The following VIL1 variants were observed in gnomAD, a reference collection of about 807,000 sequenced individuals.
VIL1 encodes villin 1, also known as villin-1.
Under a neutral mutation model 104.0 loss-of-function variants are expected in VIL1, and 86 were observed. That is an observed-to-expected ratio of 0.83 (90% CI 0.69 to 0.99). The LOEUF (loss-of-function observed/expected upper bound fraction) is 0.99, where lower values mean the gene tolerates loss of function less well. VIL1 is among the 50% of genes least tolerant of loss of function. VIL1 has a pLI of 0.00. For synonymous variants in VIL1, 394 were observed against 412.6 expected, an observed-to-expected ratio of 0.95 and a Z score of 0.55; for missense variants, 944 against 1,054.1, an observed-to-expected ratio of 0.90 and a Z score of 1.45.
At chr2:218,424,249 GC>G in intron 2 of VIL1, 27 bp from the exon 3 acceptor site, 1 of 1,608,204 alleles carries the variant, frequency 6.2e-7, no homozygotes. Flanking sequence ...GTCCAGGGCA[GC>G]CCCTCTGACC....
intron 19 of VIL1, among the ~76,000 whole-genome samples, chr2:218,444,508 G>A (rs1328931305): frequency 1.3e-5 from 2 of 150,902 alleles, no homozygotes; most frequent in African/African-American, 4.9e-5. Context: ...TCGATCTCCC[G>A]ACCTTGTGAT....
chr2:218,443,458 A>G (rs1436381827), intron 19 of VIL1, among the ~76,000 whole-genome samples: 2 of 151,848 alleles, frequency 1.3e-5, no homozygotes, highest in Non-Finnish European at 2.9e-5. Flanking sequence ...TTGCCCTCCC[A>G]AAGTGCTATT....
At position 218,452,799 on chromosome 2, in the gene VIL1, T is replaced by G. The variant is rs748563630; in HGVS notation, c.*3463T>G. 6 of 152,192 alleles carry G rather than the reference T, an allele frequency of 3.9e-5. No individual in the cohort carries two copies. Among genetic ancestry groups the G allele is most frequent in the Admixed American group, 1.3e-4 (2 of 15,268 alleles). 9.4% of individuals were successfully genotyped at this position (152,192 alleles called of 1,614,324 possible). A position where few individuals can be genotyped will look rare whatever the true frequency, so the allele number is the denominator to read the frequency against. ...AGCCTGCACTTTAAATCTTTCCCAA[T>G]AATTTTTAACAGTGCCTCTCAAATG... On this transcript the variant is annotated 3_prime_UTR_variant, in exon 20 of 20. Coordinates refer to ENST00000248444, the MANE Select transcript of VIL1 (RefSeq NM_007127.3).
intron 18 of VIL1, 146 bp downstream of exon 18, chr2:218,438,872 C>T: frequency 1.6e-6 from 1 of 637,838 alleles, no homozygotes; most frequent in Non-Finnish European, 2.7e-6. Flanking sequence ...TGCTGTTTTA[C>T]TTCAGTGCCT....
chr2:218,436,895 A>G lies in VIL1; in HGVS notation c.1972-229A>G, dbSNP rs1029658809. On this transcript the variant is annotated intron_variant, in intron 16 of 19. Coordinates refer to ENST00000248444, the MANE Select transcript of VIL1 (RefSeq NM_007127.3). ...TGTTTTTGAGAATCCTGGGCTTTGGACAGTCTGGGAGACACACATTTGCAG... is the reference window on the plus strand; with the variant it reads ...TGTTTTTGAGAATCCTGGGCTTTGGGCAGTCTGGGAGACACACATTTGCAG... Among the ~76,000 whole-genome samples, 6 of 152,220 alleles carry G rather than the reference A, an allele frequency of 3.9e-5. No individual in the cohort carries two copies. In the East Asian group the frequency reaches 9.6e-4, roughly 24 times the overall value.
intron 19 of VIL1, among the ~76,000 whole-genome samples, chr2:218,444,213 A>G (rs1369465520): frequency 6.6e-6 from 1 of 151,210 alleles, no homozygotes; most frequent in African/African-American, 2.4e-5. Flanking sequence ...CAGGTGATCC[A>G]CCCGCCTCAG....
In VIL1 at chr2:218,453,248, GTTTT is replaced by G. The variant is rs147013574; in HGVS notation, c.*3917_*3920del. The G allele has an allele frequency of 1.3e-5, 2 of 151,372 alleles. No individual in the cohort carries two copies. Among genetic ancestry groups the G allele is most frequent in the East Asian group, 1.9e-4 (1 of 5,168 alleles). The allele number at this position is 151,372 out of a possible 1,614,324, so 9.4% of individuals were successfully genotyped here. A position where few individuals can be genotyped will look rare whatever the true frequency, so the allele number is the denominator to read the frequency against. ...TGCATCTTCTGTGATGATGGTTTGT[GTTTT>G]TTTTGTTTTTGTTTTCGTTTTTTTT... On this transcript the variant is annotated 3_prime_UTR_variant, in exon 20 of 20. Transcript: ENST00000248444.
intron 19 of VIL1, among the ~76,000 whole-genome samples, chr2:218,441,197 T>C (rs1689278676): frequency 6.6e-6 from 1 of 152,058 alleles, no homozygotes; most frequent in African/African-American, 2.4e-5. Context: ...GAGACCAGCC[T>C]GACCAATATG....
intron 19 of VIL1, among the ~76,000 whole-genome samples, chr2:218,448,451 G>A (rs1026601606): frequency 6.6e-6 from 1 of 151,890 alleles, no homozygotes. Flanking sequence ...TGTAGTCCTA[G>A]CTACTCAGGA....
At position 218,429,955 on chromosome 2, in the gene VIL1, T is replaced by TGGGGGTGGGGGG; in HGVS notation, c.948+13_948+14insTGGGGGGGGGGG. 1.7e-6 allele frequency: 1 copy of TGGGGGTGGGGGG among 577,618 alleles called. No homozygotes were observed. The highest frequency in any genetic ancestry group is 5.4e-5 in the East Asian group (1 of 18,684). The allele number at this position is 577,618 out of a possible 1,614,324, so 35.8% of individuals were successfully genotyped here. ...GCCATGAGCCATGCGCTGGTAGTGG[T>TGGGGGTGGGGGG]GGGGGCGGGGGAGGGTCCAGGAGGA... On this transcript the variant is annotated intron_variant, in intron 9 of 19. Transcript: ENST00000248444.
In VIL1 at chr2:218,451,079, C is replaced by G. The variant is rs1689465274; in HGVS notation, c.*1743C>G. 1 of 152,054 alleles carries G rather than the reference C, an allele frequency of 6.6e-6. No homozygotes were observed. The highest frequency in any genetic ancestry group is 2.1e-4 in the South Asian group (1 of 4,816). The allele number at this position is 152,054 out of a possible 1,614,324, so 9.4% of individuals were successfully genotyped here. ...TTCCAATAAAAAATATATATTTTTT[C>G]AGATGTTAATAAGACATATCAGTAG... is the stretch of plus-strand genomic sequence containing the variant. On this transcript the variant is annotated 3_prime_UTR_variant, in exon 20 of 20. Coordinates refer to ENST00000248444, the MANE Select transcript of VIL1 (RefSeq NM_007127.3).
chr2:218,423,102 G>A (rs753173272), intron 1 of VIL1, among the ~76,000 whole-genome samples: 11 of 152,008 alleles, frequency 7.2e-5, no homozygotes, highest in Admixed American at 1.3e-4. Flanking sequence ...ACAGGTCCAA[G>A]CAAAAAGGGC....
chr2:218,419,688 A>C (rs1446178168), intron 1 of VIL1, among the ~76,000 whole-genome samples: 1 of 152,174 alleles, frequency 6.6e-6, no homozygotes, highest in African/African-American at 2.4e-5. Flanking sequence ...GCACACACAG[A>C]GGCAAGGGCA....
At chr2:218,424,454 C>T in intron 3 of VIL1, 103 bp downstream of exon 3, 1 of 1,246,950 alleles carries the variant, frequency 8.0e-7, no homozygotes, top group South Asian at 1.2e-5. Context: ...CCTGGCTTCA[C>T]CCCAAGACAC....
chr2:218,426,759 G>A (rs981736975), intron 4 of VIL1, among the ~76,000 whole-genome samples: 2 of 152,042 alleles, frequency 1.3e-5, no homozygotes, highest in Non-Finnish European at 2.9e-5. Flanking sequence ...CCACCACCAC[G>A]TCCGGCTAAT....
Position 218,425,633 on chromosome 2 carries a change from A to G in VIL1, c.169A>G (p.Ser57Gly), listed in dbSNP as rs918194698. The part of the protein sequence containing the change: ...IILAIHKTAS[S>G]LSYDIHYWIG... ...TCCCTAGATCCACAAGACAGCCAGCAGCCTGTCCTATGACATCCACTACTG... is the reference window on the plus strand; with the variant it reads ...TCCCTAGATCCACAAGACAGCCAGCGGCCTGTCCTATGACATCCACTACTG... Residue 57 changes from serine to glycine, a missense_variant, in exon 4 of 20, where the codon AGC becomes GGC. Ser to Gly is a moderately conservative substitution (Grantham distance 56, BLOSUM62 0). Transcript: ENST00000248444. The G allele has an allele frequency of 4.3e-6, 7 of 1,614,076 alleles. No homozygotes were observed. Among genetic ancestry groups the G allele is most frequent in the Non-Finnish European group, 5.9e-6 (7 of 1,180,042 alleles).
chr2:218,447,490 G>T (rs1038240721), intron 19 of VIL1, among the ~76,000 whole-genome samples: 1 of 151,256 alleles, frequency 6.6e-6, no homozygotes, highest in African/African-American at 2.4e-5. Flanking sequence ...GCTAACTTTT[G>T]TATTTTTTTG....
intron 19 of VIL1, among the ~76,000 whole-genome samples, chr2:218,447,492 A>G (rs191150229): frequency 4.0e-5 from 6 of 150,678 alleles, no homozygotes; most frequent in Non-Finnish European, 7.4e-5. Context: ...TAACTTTTGT[A>G]TTTTTTTGGT....
rs775643395 is a variant in VIL1, at chr2:218,425,787, G to A, written c.323G>A (p.Arg108Gln). 2.9e-5 allele frequency: 46 copies of A among 1,611,750 alleles called. No homozygotes were observed. In the African/African-American group the frequency reaches 3.2e-4, roughly 11 times the overall value. The change falls in exon 4 of 20, where the codon CGA (arginine) becomes CAA (glutamine). Residue 108 changes from arginine (R) to glutamine (Q), a missense_variant. By Grantham distance (43) the Arg-to-Gln change is conservative. Transcript: ENST00000248444. ...CAGGGCAACGAGAGCGAGGCCTTCC[G>A]AGGCTACTTCAAGCAAGGCCTTGTG... ...EVQGNESEAF[R>Q]GYFKQGLVIR...
Sources: allele counts gnomAD v4.1 joint callset (sites outside exome capture counted in the v4.1 genomes callset), GRCh38; gene constraint gnomAD v4.1.1; transcripts MANE v1.5; gene names NCBI Gene and HGNC (gene_info 2026-07-23, HGNC 2026-07-21).